The following NCOR1 variants were observed in gnomAD, a reference collection of about 807,000 sequenced individuals.
The protein encoded by NCOR1 is protein phosphatase 1, regulatory subunit 109.
NCOR1 carries 63 observed loss-of-function variants against 288.1 expected under a neutral mutation model. The observed-to-expected ratio is 0.22, with a 90% CI of 0.18 to 0.27. The LOEUF (loss-of-function observed/expected upper bound fraction) is 0.27. Ranked by LOEUF, NCOR1 falls within the 10% of genes least tolerant of loss-of-function variation. The pLI, the probability that NCOR1 is intolerant of heterozygous loss-of-function variation, is 1.00. For missense variants in NCOR1, 2,397 were observed against 3,019.2 expected (o/e 0.79, Z 4.83); for synonymous variants, 1,007 against 1,065.9 (o/e 0.94, Z 1.08).
intron 3 of NCOR1, among the ~76,000 whole-genome samples, chr17:16,182,372 T>C (rs1322841765): frequency 1.2e-4 from 19 of 152,212 alleles, no homozygotes; most frequent in Non-Finnish European, 1.8e-4. Flanking sequence ...CTACTAATTG[T>C]CATAACTTAA....
At chr17:16,063,573 C>T (rs991736725) in intron 35 of NCOR1, among the ~76,000 whole-genome samples, 2 of 152,120 alleles carry the variant, frequency 1.3e-5, no homozygotes, top group African/African-American at 4.8e-5. Flanking sequence ...AGGCTACATC[C>T]GGGACCAGCC....
At chr17:16,160,273 T>C (rs2080563524) in intron 5 of NCOR1, among the ~76,000 whole-genome samples, 1 of 152,178 alleles carries the variant, frequency 6.6e-6, no homozygotes, top group Admixed American at 6.5e-5. Context: ...ATTGTAAATA[T>C]TACCGAGTAT....
chr17:16,181,205 A>ATGTGTGTGTG lies in NCOR1; in HGVS notation c.242+5348_242+5349insCACACACACA, dbSNP rs1555787614. On this transcript the variant is annotated intron_variant, in intron 3 of 45. Transcript: ENST00000268712. The stretch of plus-strand genomic sequence containing the variant: ...ATGTGATGTGTGTGTGTATACATAT[A>ATGTGTGTGTG]TATGTATGTGTGTGTGTGTGTGTGT... Among the ~76,000 whole-genome samples, 9 of 99,068 alleles carry ATGTGTGTGTG rather than the reference A, an allele frequency of 9.1e-5. No homozygotes were observed. In the East Asian group the frequency reaches 1.4e-3, roughly 15 times the overall value. The allele number at this position is 99,068 out of a possible 152,430, so 65.0% of individuals were successfully genotyped here.
At chr17:16,041,026 C>G (rs114293704) in intron 42 of NCOR1, 1,989 of 153,970 alleles carry the variant, frequency 0.013, 43 homozygotes, top group African/African-American at 0.043. Flanking sequence ...CTGGGATGAC[C>G]GCCACAAATA....
chr17:16,042,632 A>G (rs3785631), intron 42 of NCOR1, among the ~76,000 whole-genome samples: 73,756 of 152,072 alleles, frequency 0.49, 18,529 homozygotes, highest in Middle Eastern at 0.57. Flanking sequence ...AATTAGCAGA[A>G]TGGAAGGTAG....
chr17:16,076,033 C>G (rs1311050843), intron 26 of NCOR1, among the ~76,000 whole-genome samples: 1 of 152,168 alleles, frequency 6.6e-6, no homozygotes, highest in South Asian at 2.1e-4. Context: ...AATGTAACAG[C>G]TTTTATTAGG....
chr17:16,184,552 G>A (rs1178067998), intron 3 of NCOR1, among the ~76,000 whole-genome samples: 2 of 152,112 alleles, frequency 1.3e-5, no homozygotes, highest in Non-Finnish European at 1.5e-5. Flanking sequence ...ACCAAAAAAA[G>A]TCAAAAGATA....
At chr17:16,048,384 A>C (rs138380561) in intron 41 of NCOR1, among the ~76,000 whole-genome samples, 8 of 152,296 alleles carry the variant, frequency 5.3e-5, no homozygotes, top group Non-Finnish European at 1.0e-4. Context: ...ACTCAGGTGG[A>C]GGTATGGAGA....
chr17:16,188,587 A>C (rs1486373773), intron 2 of NCOR1, among the ~76,000 whole-genome samples: 1 of 151,908 alleles, frequency 6.6e-6, no homozygotes, highest in Non-Finnish European at 1.5e-5. Context: ...CTCTAGTCCA[A>C]GCAAAAGTGC....
intron 8 of NCOR1, among the ~76,000 whole-genome samples, chr17:16,150,195 C>A (rs1209103684): frequency 6.6e-6 from 1 of 151,972 alleles, no homozygotes; most frequent in Non-Finnish European, 1.5e-5. Flanking sequence ...AATATAAATA[C>A]AAAGCCAAGG....
chr17:16,061,551 G>C lies in NCOR1; in HGVS notation c.5731C>G (p.Pro1911Ala). 1 of 1,614,232 alleles carries C rather than the reference G, an allele frequency of 6.2e-7. No homozygotes were observed. The highest frequency in any genetic ancestry group is 1.1e-5 in the South Asian group (1 of 91,082). ...SEAGKDKGPP[P>A]KSRYEEELRT... ...AGCTCTTCCTCATATCTGGATTTTG[G>C]AGGAGGCCCTTTATCTTTCCCAGCC... The change falls in exon 37 of 46, where the codon CCA (proline) becomes GCA (alanine). Residue 1911 changes from proline to alanine, a missense_variant. Physicochemically the swap from Pro to Ala is conservative, Grantham distance 27. Transcript: ENST00000268712.
chr17:16,193,796 T>C (rs1157110768), intron 2 of NCOR1, among the ~76,000 whole-genome samples: 1 of 152,190 alleles, frequency 6.6e-6, no homozygotes, highest in Non-Finnish European at 1.5e-5. Flanking sequence ...TCTGTAATCA[T>C]GACTGCACTT....
intron 1 of NCOR1, among the ~76,000 whole-genome samples, chr17:16,202,710 T>C (rs2090995236): frequency 6.6e-6 from 1 of 152,186 alleles, no homozygotes; most frequent in South Asian, 2.1e-4. Flanking sequence ...CCTCAAGCTA[T>C]GTTTTTCTAA....
intron 20 of NCOR1, among the ~76,000 whole-genome samples, chr17:16,099,240 T>A (rs1259231278): frequency 6.6e-6 from 1 of 152,146 alleles, no homozygotes; most frequent in East Asian, 1.9e-4. Context: ...ATACCTACAC[T>A]CAAGTTTAGG....
At chr17:16,186,862 A>G (rs1184397970) in intron 2 of NCOR1, among the ~76,000 whole-genome samples, 175 bp from the exon 3 acceptor site, 1 of 152,164 alleles carries the variant, frequency 6.6e-6, no homozygotes. Flanking sequence ...TTTTAACTAT[A>G]TATCATTAAA....
intron 1 of NCOR1, among the ~76,000 whole-genome samples, chr17:16,209,348 A>C (rs2091898845): frequency 6.6e-6 from 1 of 152,168 alleles, no homozygotes; most frequent in East Asian, 1.9e-4. Context: ...AAATAGCCCA[A>C]GTAGAATAAA....
In NCOR1 at chr17:16,029,297, T is replaced by C. The variant is rs975041070; in HGVS notation, c.*2999A>G. ...TTTTCATTACAGTTCATTTACACTG[T>C]TGTAAAATAAGGTACTGAAGCAAAA... On this transcript the variant is annotated 3_prime_UTR_variant, in exon 46 of 46. Coordinates refer to ENST00000268712, the MANE Select transcript of NCOR1 (RefSeq NM_006311.4). The C allele has an allele frequency of 2.2e-6, 1 of 450,062 alleles. No homozygotes were observed. Among genetic ancestry groups the C allele is most frequent in the East Asian group, 7.0e-5 (1 of 14,378 alleles). The allele number at this position is 450,062 out of a possible 1,614,324, so 27.9% of individuals were successfully genotyped here.
intron 45 of NCOR1, among the ~76,000 whole-genome samples, 159 bp from the exon 46 acceptor site, chr17:16,032,642 A>G (rs1200633164): frequency 6.6e-6 from 1 of 152,234 alleles, no homozygotes; most frequent in Non-Finnish European, 1.5e-5. Flanking sequence ...AAGTCTCACC[A>G]CTTAAATCCT....
intron 11 of NCOR1, among the ~76,000 whole-genome samples, chr17:16,140,296 C>T (rs1366540428): frequency 2.6e-5 from 4 of 152,150 alleles, no homozygotes; most frequent in African/African-American, 4.8e-5. Context: ...CAATCATGTA[C>T]TTTAGAGGTA....
Sources: allele counts gnomAD v4.1 joint callset (sites outside exome capture counted in the v4.1 genomes callset), GRCh38; gene constraint gnomAD v4.1.1; transcripts MANE v1.5; gene names NCBI Gene and HGNC (gene_info 2026-07-23, HGNC 2026-07-21).